Variants in ASPH observed in about 807,000 individuals in gnomAD.
ASPH encodes the protein aspartate beta-hydroxylase, also known as aspartyl/asparaginyl beta-hydroxylase.
A neutral mutation model predicts 118.4 loss-of-function variants in ASPH; 100 were observed. The ratio of observed to expected loss-of-function variants is 0.84; its 90% CI spans 0.72 to 1.00. ASPH has a LOEUF of 1.00. Among genes scored for constraint, ASPH ranks in the 50% least tolerant of loss-of-function variants. The pLI, the probability that ASPH is intolerant of heterozygous loss-of-function variation, is 0.00. For missense variants in ASPH, 920 were observed against 919.5 expected (o/e 1.00, Z -0.01); for synonymous variants, 315 against 325.6 (o/e 0.97, Z 0.35).
At chr8:61,539,831 T>C (rs1415247729) in intron 21 of ASPH, among the ~76,000 whole-genome samples, 2 of 152,030 alleles carry the variant, frequency 1.3e-5, no homozygotes, top group Non-Finnish European at 2.9e-5. Flanking sequence ...AATGTTACTA[T>C]AGTGTTTTCT....
intron 1 of ASPH, among the ~76,000 whole-genome samples, chr8:61,704,479 C>T (rs1437940650): frequency 1.3e-5 from 2 of 151,562 alleles, no homozygotes; most frequent in African/African-American, 2.4e-5. Context: ...TGAGAATGTG[C>T]AGTTTCTTAG....
intron 21 of ASPH, among the ~76,000 whole-genome samples, chr8:61,529,202 G>C (rs1816632688): frequency 6.6e-6 from 1 of 152,162 alleles, no homozygotes. Flanking sequence ...GTCACATTTA[G>C]GCACAGGGAT....
intron 14 of ASPH, among the ~76,000 whole-genome samples, chr8:61,613,426 A>G (rs2133991481): frequency 1.3e-5 from 2 of 152,274 alleles, no homozygotes; most frequent in South Asian, 4.1e-4. Context: ...CACATACACC[A>G]TCCTGTTGGT....
chr8:61,593,572 A>T (rs1421897502), intron 14 of ASPH, among the ~76,000 whole-genome samples: 1 of 152,200 alleles, frequency 6.6e-6, no homozygotes, highest in Non-Finnish European at 1.5e-5. Flanking sequence ...CCTCTACTAA[A>T]CTAATGTGAG....
At chr8:61,673,049 C>T (rs778114889) in intron 3 of ASPH, among the ~76,000 whole-genome samples, 1 of 152,152 alleles carries the variant, frequency 6.6e-6, no homozygotes, top group Non-Finnish European at 1.5e-5. Flanking sequence ...TCAAGGTAGA[C>T]AATCTGTTCT....
At chr8:61,522,277 G>T (rs1030518858) in intron 22 of ASPH, among the ~76,000 whole-genome samples, 64 of 152,140 alleles carry the variant, frequency 4.2e-4, no homozygotes, top group African/African-American at 1.2e-3. Context: ...AGTTCGCTAG[G>T]GCTGCCACAA....
At chr8:61,664,627 G>A (rs2151331747) in intron 3 of ASPH, 2 of 986,342 alleles carry the variant, frequency 2.0e-6, no homozygotes, top group Non-Finnish European at 2.4e-6. Flanking sequence ...GTGAAGGAAA[G>A]GAGAGAGTAA....
intron 21 of ASPH, among the ~76,000 whole-genome samples, chr8:61,537,966 G>A (rs1304695527): frequency 6.6e-6 from 1 of 152,080 alleles, no homozygotes; most frequent in African/African-American, 2.4e-5. Context: ...TGGCATCATA[G>A]GCCACCCTAT....
chr8:61,633,801 A>C, intron 12 of ASPH, 74 bp from the exon 13 acceptor site: 2 of 1,003,698 alleles, frequency 2.0e-6, no homozygotes, highest in South Asian at 3.5e-5. Flanking sequence ...GCCAGATTTA[A>C]GTAATGATGA....
chr8:61,564,258 T>A (rs1830886549), intron 17 of ASPH, among the ~76,000 whole-genome samples: 1 of 151,812 alleles, frequency 6.6e-6, no homozygotes, highest in African/African-American at 2.4e-5. Context: ...AGAGCCATAG[T>A]GGAGACTGAG....
intron 21 of ASPH, among the ~76,000 whole-genome samples, chr8:61,547,744 T>C (rs1192589510): frequency 1.3e-5 from 2 of 151,994 alleles, no homozygotes; most frequent in Non-Finnish European, 2.9e-5. Context: ...TAAATATATA[T>C]ATAATTTTCT....
At chr8:61,581,544 T>C (rs1406451728) in intron 15 of ASPH, among the ~76,000 whole-genome samples, 1 of 152,182 alleles carries the variant, frequency 6.6e-6, no homozygotes, top group Non-Finnish European at 1.5e-5. Context: ...TTTGCATCCA[T>C]CAGTATACCT....
At chr8:61,669,143 T>C (rs553395503) in intron 3 of ASPH, among the ~76,000 whole-genome samples, 64 of 152,310 alleles carry the variant, frequency 4.2e-4, no homozygotes, top group African/African-American at 1.3e-3. Context: ...TAAGGTGTGG[T>C]CACAAGAAAG....
chr8:61,714,460 G>T lies in ASPH; in HGVS notation c.-89C>A, dbSNP rs1041122088. 7 of 1,363,602 alleles carry T rather than the reference G, an allele frequency of 5.1e-6. No individual in the cohort carries two copies. Among genetic ancestry groups the T allele is most frequent in the Non-Finnish European group, 6.6e-6 (7 of 1,059,628 alleles). The allele number at this position is 1,363,602 out of a possible 1,614,324, so 84.5% of individuals were successfully genotyped here. On this transcript the variant is annotated 5_prime_UTR_variant, in exon 1 of 25. Coordinates refer to ENST00000379454, the MANE Select transcript of ASPH (RefSeq NM_004318.4). ...CGACGCGGGAACCGCTGGCGGCGGC[G>T]GGCCGCTGGAGCGGGTTCGGGCCGC...
intron 3 of ASPH, chr8:61,659,685 G>A (rs1345152660): frequency 6.6e-6 from 1 of 152,212 alleles, no homozygotes; most frequent in Non-Finnish European, 1.5e-5. Context: ...AGACACCAAA[G>A]ACTGTTATTG....
At chr8:61,520,478 C>G (rs1487274473) in intron 22 of ASPH, among the ~76,000 whole-genome samples, 1 of 152,164 alleles carries the variant, frequency 6.6e-6, no homozygotes, top group Non-Finnish European at 1.5e-5. Context: ...GGTATTCACC[C>G]CAATCAAATG....
intron 21 of ASPH, among the ~76,000 whole-genome samples, chr8:61,547,791 T>C (rs1398856791): frequency 6.6e-6 from 1 of 152,152 alleles, no homozygotes; most frequent in Non-Finnish European, 1.5e-5. Context: ...TTGGTAGATG[T>C]AAGCCACATT....
At chr8:61,605,385 A>G (rs1845258034) in intron 14 of ASPH, among the ~76,000 whole-genome samples, 1 of 152,212 alleles carries the variant, frequency 6.6e-6, no homozygotes, top group Non-Finnish European at 1.5e-5. Flanking sequence ...GACAAAGCCA[A>G]ATGGCCATCT....
At chr8:61,562,389 C>CTCTGTGTGTGTGTGTG (rs71257370) in intron 18 of ASPH, among the ~76,000 whole-genome samples, 3,777 of 128,872 alleles carry the variant, frequency 0.029, 108 homozygotes, top group South Asian at 0.068. Flanking sequence ...GAAAGTGTGT[C>CTCTGTGTGTGTGTGTG]TGTGTGTGTG....
Sources: allele counts gnomAD v4.1 joint callset (sites outside exome capture counted in the v4.1 genomes callset), GRCh38; gene constraint gnomAD v4.1.1; transcripts MANE v1.5; gene names NCBI Gene and HGNC (gene_info 2026-07-23, HGNC 2026-07-21).